LNPEP: variants seen among roughly 807,000 people sequenced by gnomAD.
The protein encoded by LNPEP is leucyl and cystinyl aminopeptidase.
A neutral mutation model predicts 120.6 loss-of-function variants in LNPEP; 64 were observed. The observed-to-expected ratio is 0.53, with a 90% CI of 0.43 to 0.65. The LOEUF is 0.65. Among genes scored for constraint, LNPEP ranks in the 30% least tolerant of loss-of-function variants. The pLI, the probability that LNPEP is intolerant of heterozygous loss-of-function variation, is 0.00. For synonymous variants in LNPEP, 435 were observed against 425.4 expected (o/e 1.02, Z -0.28); for missense variants, 1,057 against 1,200.0 (o/e 0.88, Z 1.76).
Position 97,013,839 on chromosome 5 carries a change from A to G in LNPEP, c.2219+8A>G. 1 of 1,565,354 alleles carries G rather than the reference A, an allele frequency of 6.4e-7. No individual in the cohort carries two copies. Among genetic ancestry groups the G allele is most frequent in the African/African-American group, 1.4e-5 (1 of 72,440 alleles). On this transcript the variant is annotated splice_region_variant and intron_variant, in intron 12 of 17. Coordinates refer to ENST00000231368, the MANE Select transcript of LNPEP (RefSeq NM_005575.3). ...CATCTTTGAACTTGCAGGGTAGAGTATACTTAGTTTGAGATTTTTTCTTTT... is the reference window on the plus strand; with the variant it reads ...CATCTTTGAACTTGCAGGGTAGAGTGTACTTAGTTTGAGATTTTTTCTTTT...
At chr5:97,005,386 G>A (rs1313586222) in intron 9 of LNPEP, among the ~76,000 whole-genome samples, 1 of 152,052 alleles carries the variant, frequency 6.6e-6, no homozygotes, top group East Asian at 1.9e-4. Context: ...GGGGCTTTGG[G>A]CCTTAGAGGG....
intron 13 of LNPEP, among the ~76,000 whole-genome samples, chr5:97,019,072 G>A (rs1791127784): frequency 6.6e-6 from 1 of 152,174 alleles, no homozygotes; most frequent in South Asian, 2.1e-4. Flanking sequence ...GCATATCAGT[G>A]TAAAATTAAA....
chr5:97,015,406 T>C (rs1239711919), intron 13 of LNPEP, among the ~76,000 whole-genome samples: 1 of 152,162 alleles, frequency 6.6e-6, no homozygotes, highest in African/African-American at 2.4e-5. Flanking sequence ...ATGTTTGAAA[T>C]AGGCCCTTTT....
chr5:97,022,163 A>T, intron 13 of LNPEP, 137 bp from the exon 14 acceptor site: 1 of 594,200 alleles, frequency 1.7e-6, no homozygotes, highest in Non-Finnish European at 3.0e-6. Flanking sequence ...TCCTGACCTC[A>T]GGTGATCTGC....
chr5:97,010,688 A>G (rs1790904765), intron 11 of LNPEP: 1 of 985,274 alleles, frequency 1.0e-6, no homozygotes, highest in Non-Finnish European at 1.2e-6. Flanking sequence ...GGCTTCTGCC[A>G]TTTAATATTG....
rs553387644 is a variant in LNPEP, at chr5:96,944,750, T to C, written c.19+8576T>C. Among the ~76,000 whole-genome samples, 4 of 151,726 alleles carry C rather than the reference T, an allele frequency of 2.6e-5. No individual in the cohort carries two copies. The South Asian group carries it at 8.3e-4, about 32-fold the overall frequency. ...ACACCCAGCTAATTTTTGTGTTTTT[T>C]CAGTAGAGATGAGATTTCGCCATAT... On this transcript the variant is annotated intron_variant, in intron 1 of 17. Transcript: ENST00000231368.
Position 96,979,844 on chromosome 5 carries a change from G to A in LNPEP, c.726G>A (p.Gln242=). The A allele has an allele frequency of 6.2e-7, 1 of 1,614,014 alleles. No individual in the cohort carries two copies. The highest frequency in any genetic ancestry group is 8.5e-7 in the Non-Finnish European group (1 of 1,179,942). Residue 242 remains glutamine (Q), a synonymous_variant, in exon 2 of 18, where the codon CAG becomes CAA. Coordinates refer to ENST00000231368, the MANE Select transcript of LNPEP (RefSeq NM_005575.3). ...TCCTGGAATATGCATATCATGGACA[G>A]ATCGCCATTGTTGCCCCCGAAGCCC... The part of the protein sequence containing the change: ...AEILEYAYHG[Q]IAIVAPEALL...
At position 97,003,398 on chromosome 5, in the gene LNPEP, A is replaced by ATT; in HGVS notation, c.1654-17_1654-16insTT. 7.3e-7 allele frequency: 1 copy of ATT among 1,363,366 alleles called. No homozygotes were observed. Among genetic ancestry groups the ATT allele is most frequent in the Non-Finnish European group, 1.0e-6 (1 of 1,000,310 alleles). The allele number at this position is 1,363,366 out of a possible 1,614,324, so 84.5% of individuals were successfully genotyped here. A position where few individuals can be genotyped will look rare whatever the true frequency, so the allele number is the denominator to read the frequency against. On this transcript the variant is annotated splice_polypyrimidine_tract_variant and intron_variant, in intron 8 of 17. Coordinates refer to ENST00000231368, the MANE Select transcript of LNPEP (RefSeq NM_005575.3). ...TCTATTATTTTCTTTCTTTTTCCTC[A>ATT]CTTTTTTTTTTAATAGGGATCTTCT... is the stretch of plus-strand genomic sequence containing the variant.
intron 1 of LNPEP, among the ~76,000 whole-genome samples, chr5:96,963,414 C>T (rs1247825544): frequency 6.6e-6 from 1 of 152,162 alleles, no homozygotes; most frequent in Non-Finnish European, 1.5e-5. Context: ...TTGTAGCAGT[C>T]ATCATCTGGC....
chr5:97,013,153 G>A (rs551923741), intron 11 of LNPEP, among the ~76,000 whole-genome samples: 2 of 152,186 alleles, frequency 1.3e-5, no homozygotes, highest in South Asian at 4.1e-4. Context: ...TGGGCCTTGA[G>A]CACTTGGGTT....
intron 1 of LNPEP, among the ~76,000 whole-genome samples, chr5:96,943,394 C>T (rs750841304): frequency 3.9e-5 from 6 of 152,184 alleles, no homozygotes; most frequent in Non-Finnish European, 8.8e-5. Context: ...TCAAGCGATT[C>T]TCCTGCCTCA....
At chr5:96,937,490 TAAGG>T (rs1788939316) in intron 1 of LNPEP, 1 of 152,194 alleles carries the variant, frequency 6.6e-6, no homozygotes, top group Non-Finnish European at 1.5e-5. Flanking sequence ...CTCGAAGAAT[TAAGG>T]AAGGTTTGAG....
At chr5:96,994,873 G>A (rs1347100207) in intron 6 of LNPEP, among the ~76,000 whole-genome samples, 2 of 152,172 alleles carry the variant, frequency 1.3e-5, no homozygotes, top group Non-Finnish European at 2.9e-5. Flanking sequence ...ACTTTGAGAG[G>A]CGGAGGCAGG....
intron 11 of LNPEP, among the ~76,000 whole-genome samples, chr5:97,009,543 T>C (rs1000940510): frequency 7.9e-5 from 12 of 152,216 alleles, no homozygotes; most frequent in Non-Finnish European, 1.8e-4. Context: ...TGATGTTTTC[T>C]TTTTCTCTTC....
chr5:96,959,036 G>A (rs1789536968), intron 1 of LNPEP, among the ~76,000 whole-genome samples: 2 of 152,082 alleles, frequency 1.3e-5, no homozygotes, highest in African/African-American at 4.8e-5. Flanking sequence ...ATGTTGGCCA[G>A]GATGGTCTTG....
At chr5:97,015,783 A>C (rs2112659964) in intron 13 of LNPEP, among the ~76,000 whole-genome samples, 1 of 152,284 alleles carries the variant, frequency 6.6e-6, no homozygotes, top group East Asian at 1.9e-4. Context: ...GACCCAGGCA[A>C]AAGGCAGCTT....
chr5:97,006,373 T>TAAAAA, intron 10 of LNPEP, 54 bp from the exon 11 acceptor site: 1 of 1,083,410 alleles, frequency 9.2e-7, no homozygotes, highest in Non-Finnish European at 1.3e-6. Flanking sequence ...CCTACCAAAT[T>TAAAAA]AAAAAAAAAA....
At chr5:97,018,729 ACTGT>A (rs1256685455) in intron 13 of LNPEP, among the ~76,000 whole-genome samples, 2 of 152,232 alleles carry the variant, frequency 1.3e-5, no homozygotes, top group East Asian at 1.9e-4. Context: ...CAAATGTATT[ACTGT>A]CTAAGACTGA....
At chr5:97,002,378 TG>T (rs1477004821) in intron 8 of LNPEP, among the ~76,000 whole-genome samples, 2 of 152,200 alleles carry the variant, frequency 1.3e-5, no homozygotes, top group Non-Finnish European at 1.5e-5. Flanking sequence ...ACATCGTTTT[TG>T]TTTTGTTAAT....
Sources: allele counts gnomAD v4.1 joint callset (sites outside exome capture counted in the v4.1 genomes callset), GRCh38; gene constraint gnomAD v4.1.1; transcripts MANE v1.5; gene names NCBI Gene and HGNC (gene_info 2026-07-23, HGNC 2026-07-21).